Variants in RBKS observed in about 807,000 individuals in gnomAD.
RBKS encodes the protein ribokinase.
RBKS carries 33 observed loss-of-function variants against 33.9 expected under a neutral mutation model. The ratio of observed to expected loss-of-function variants is 0.97; its 90% confidence interval spans 0.74 to 1.30. RBKS has a LOEUF of 1.30. Ranked by LOEUF, RBKS falls within the 50% of genes most tolerant of loss-of-function variation. The pLI is 0.00. For missense variants in RBKS, 361 were observed against 392.6 expected (o/e 0.92, Z 0.68); for synonymous variants, 125 against 143.0 (o/e 0.87, Z 0.90).
chr2:27,783,682 C>T (rs1016486824), intron 7 of RBKS, among the ~76,000 whole-genome samples: 5 of 151,940 alleles, frequency 3.3e-5, no homozygotes, highest in African/African-American at 7.2e-5. Flanking sequence ...CCGAGGCGGG[C>T]GGATCACGAG....
chr2:27,838,398 T>C (rs1663358443), intron 5 of RBKS, among the ~76,000 whole-genome samples: 1 of 152,102 alleles, frequency 6.6e-6, no homozygotes, highest in East Asian at 1.9e-4. Context: ...AAAGCAAATT[T>C]TAAGGAAAAA....
intron 1 of RBKS, among the ~76,000 whole-genome samples, chr2:27,880,296 A>T (rs1329349851): frequency 1.3e-5 from 2 of 152,254 alleles, no homozygotes; most frequent in Admixed American, 6.5e-5. Context: ...ACCATCTATG[A>T]CAAACCCACA....
intron 7 of RBKS, among the ~76,000 whole-genome samples, chr2:27,802,458 G>A (rs1178493900): frequency 6.6e-6 from 1 of 151,760 alleles, no homozygotes; most frequent in Non-Finnish European, 1.5e-5. Flanking sequence ...GTGTGTGTAT[G>A]TGTGTACGTG....
chr2:27,837,054 C>T lies in RBKS; in HGVS notation c.515-4277G>A, dbSNP rs534670134. On this transcript the variant is annotated intron_variant, in intron 5 of 7. Transcript: ENST00000302188. The surrounding 1 kb of genome is among the most constrained non-coding windows in gnomAD (Gnocchi z 4.0). ...TTGGGCGGCCGAGGCAGGCAGATCACGAGGATCGGGAGATTAAGATCATCC... is the reference window on the plus strand; with the variant it reads ...TTGGGCGGCCGAGGCAGGCAGATCATGAGGATCGGGAGATTAAGATCATCC... 6.6e-6 allele frequency among the ~76,000 whole-genome samples: 1 copy of T among 152,104 alleles called. No individual in the cohort carries two copies. The highest frequency in any genetic ancestry group is 2.1e-4 in the South Asian group (1 of 4,826).
chr2:27,856,692 T>TC (rs1558551763), intron 2 of RBKS, among the ~76,000 whole-genome samples: 1 of 152,140 alleles, frequency 6.6e-6, no homozygotes, highest in Non-Finnish European at 1.5e-5. Flanking sequence ...CTCTAGGAAC[T>TC]CCCCTCTTCC....
intron 1 of RBKS, among the ~76,000 whole-genome samples, chr2:27,858,919 A>T (rs1663917871): frequency 6.6e-6 from 1 of 152,206 alleles, no homozygotes; most frequent in Non-Finnish European, 1.5e-5. Context: ...AATGGGATGA[A>T]ATTAATGTAT....
intron 5 of RBKS, among the ~76,000 whole-genome samples, chr2:27,838,454 T>C (rs748453489): frequency 1.2e-4 from 18 of 152,232 alleles, no homozygotes; most frequent in Non-Finnish European, 2.2e-4. Context: ...AGGAATTCCA[T>C]AATTTTACTG....
chr2:27,846,846 T>G (rs11901133), intron 4 of RBKS, among the ~76,000 whole-genome samples, 196 bp downstream of exon 4: 52,509 of 152,008 alleles, frequency 0.35, 10,890 homozygotes, highest in East Asian at 0.63. Flanking sequence ...TCCAAAAATT[T>G]ATCTGAACGA....
intron 4 of RBKS, among the ~76,000 whole-genome samples, chr2:27,844,263 G>GAAAAAAA (rs1348408045): frequency 1.2e-5 from 1 of 84,102 alleles, no homozygotes. Context: ...CTCTGTCTCA[G>GAAAAAAA]AAAAAAAAAA....
At chr2:27,832,123 TGATA>T (rs68080386) in intron 6 of RBKS, among the ~76,000 whole-genome samples, 10,118 of 152,140 alleles carry the variant, frequency 0.067, 742 homozygotes, top group African/African-American at 0.18. Context: ...TTGTACCAGT[TGATA>T]GATAGTCTGT....
chr2:27,850,622 A>C (rs1663728340), intron 2 of RBKS, among the ~76,000 whole-genome samples: 1 of 152,188 alleles, frequency 6.6e-6, no homozygotes, highest in Non-Finnish European at 1.5e-5. Context: ...TATGCAACTA[A>C]AGTTCCTCTG....
intron 7 of RBKS, chr2:27,782,457 A>G: frequency 3.7e-6 from 1 of 272,328 alleles, no homozygotes. Context: ...TGGTGGGATT[A>G]CAGGTGTGAG....
chr2:27,795,441 G>A lies in RBKS; in HGVS notation c.796-13653C>T, dbSNP rs1164489277. 6.6e-6 allele frequency among the ~76,000 whole-genome samples: 1 copy of A among 152,170 alleles called. No individual in the cohort carries two copies. The highest frequency in any genetic ancestry group is 1.5e-5 in the Non-Finnish European group (1 of 68,018). On this transcript the variant is annotated intron_variant, in intron 7 of 7. Transcript: ENST00000302188. This position sits in a 1 kb window ranked among gnomAD's most constrained non-coding sequence, Gnocchi z 4.1. Reference sequence around the variant, plus strand: ...ATTTAAACATAAAAGGGGCAGAAAAGGCCTTGTACTCTTTACAGAGGAGTG... The same window carrying A: ...ATTTAAACATAAAAGGGGCAGAAAAAGCCTTGTACTCTTTACAGAGGAGTG...
rs191075226 is a variant in RBKS, at chr2:27,832,130, T to C, written c.606+556A>G. Among the ~76,000 whole-genome samples, 1,266 of 151,182 alleles carry C rather than the reference T, an allele frequency of 8.4e-3. 22 individuals carry two copies. The highest frequency in any genetic ancestry group is 0.03 in the African/African-American group (1,218 of 40,690). On this transcript the variant is annotated intron_variant, in intron 6 of 7. Transcript: ENST00000302188. ...CTTTCTTATTGTACCAGTTGATAGATAGTCTGTTCAGATGATACATCATGA... is the reference window on the plus strand; with the variant it reads ...CTTTCTTATTGTACCAGTTGATAGACAGTCTGTTCAGATGATACATCATGA...
At chr2:27,807,970 A>G (rs1256263544) in intron 7 of RBKS, among the ~76,000 whole-genome samples, 1 of 152,236 alleles carries the variant, frequency 6.6e-6, no homozygotes, top group Non-Finnish European at 1.5e-5. Flanking sequence ...ACATTACATT[A>G]AACTCTCCCT....
At chr2:27,783,793 G>C (rs910074620) in intron 7 of RBKS, among the ~76,000 whole-genome samples, 7 of 150,696 alleles carry the variant, frequency 4.6e-5, no homozygotes, top group Non-Finnish European at 1.0e-4. Flanking sequence ...TGTAGTCCCA[G>C]CTACTTGGGA....
At chr2:27,787,459 C>T (rs1418647393) in intron 7 of RBKS, among the ~76,000 whole-genome samples, 3 of 152,074 alleles carry the variant, frequency 2.0e-5, no homozygotes, top group African/African-American at 7.2e-5. Flanking sequence ...AAATAAATAG[C>T]CAGGGTCTTC....
chr2:27,855,868 G>C (rs1252199964), intron 2 of RBKS, among the ~76,000 whole-genome samples: 1 of 152,142 alleles, frequency 6.6e-6, no homozygotes, highest in Non-Finnish European at 1.5e-5. Context: ...GTTATAGGTA[G>C]CAAGAGGTAA....
chr2:27,822,922 C>T (rs1678239536), intron 7 of RBKS, among the ~76,000 whole-genome samples: 1 of 152,134 alleles, frequency 6.6e-6, no homozygotes, highest in Non-Finnish European at 1.5e-5. Flanking sequence ...CAGGACTTAA[C>T]CATTTACATA....
Sources: allele counts gnomAD v4.1 joint callset (sites outside exome capture counted in the v4.1 genomes callset), GRCh38; gene constraint gnomAD v4.1.1; non-coding constraint Gnocchi (gnomAD v3.1); transcripts MANE v1.5; gene names NCBI Gene and HGNC (gene_info 2026-07-23, HGNC 2026-07-21).